Variants in TRIM55 observed in about 807,000 individuals in gnomAD.
TRIM55 encodes the protein tripartite motif-containing protein 55.
In TRIM55, 50 loss-of-function variants were observed where a neutral mutation model predicts 60.9. The observed-to-expected ratio is 0.82, with a 90% CI of 0.65 to 1.04. The LOEUF is 1.04. Ranked by LOEUF, TRIM55 falls within the 50% of genes least tolerant of loss-of-function variation. The pLI, the probability that TRIM55 is intolerant of heterozygous loss-of-function variation, is 0.00. For synonymous variants in TRIM55, 237 were observed against 238.1 expected (o/e 1.00, Z 0.04); for missense variants, 681 against 666.9 (o/e 1.02, Z -0.23).
intron 9 of TRIM55, chr8:66,155,809 T>C: frequency 3.6e-6 from 3 of 824,216 alleles, no homozygotes; most frequent in Non-Finnish European, 5.8e-6. Flanking sequence ...CCCCAAATCT[T>C]GAGGCTCAGT....
Position 66,160,562 on chromosome 8 carries a change from T to C in TRIM55, c.1524+6228T>C, listed in dbSNP as rs192877721. On this transcript the variant is annotated intron_variant, in intron 9 of 9. Coordinates refer to ENST00000315962, the MANE Select transcript of TRIM55 (RefSeq NM_184085.2). Reference sequence around the variant, plus strand: ...CCAGTAGTGGTATTGCTGGATCAAATGGTAGATCTACTTTTAGTTCTTTAA... The same window carrying C: ...CCAGTAGTGGTATTGCTGGATCAAACGGTAGATCTACTTTTAGTTCTTTAA... 3.2e-4 allele frequency among the ~76,000 whole-genome samples: 48 copies of C among 152,328 alleles called. 1 individual carries two copies. Among genetic ancestry groups the C allele is most frequent in the African/African-American group, 1.1e-3 (46 of 41,582 alleles).
chr8:66,132,312 G>A (rs1809207329), intron 2 of TRIM55, among the ~76,000 whole-genome samples: 1 of 152,182 alleles, frequency 6.6e-6, no homozygotes, highest in Admixed American at 6.5e-5. Context: ...AATTAGCCAG[G>A]TGTGGTGGCA....
chr8:66,145,036 T>C (rs1388750835), intron 4 of TRIM55, among the ~76,000 whole-genome samples: 1 of 152,180 alleles, frequency 6.6e-6, no homozygotes, highest in Non-Finnish European at 1.5e-5. Flanking sequence ...GAACATTTTT[T>C]TTTCATGGCA....
At chr8:66,116,299 A>C in the TRIM55 span, among the ~76,000 whole-genome samples, 1 of 152,162 alleles carries the variant, frequency 6.6e-6, no homozygotes, top group Non-Finnish European at 1.5e-5. Flanking sequence ...AACAAGCATA[A>C]GTTATTTATA....
At chr8:66,130,566 G>C (rs887222187) in intron 2 of TRIM55, among the ~76,000 whole-genome samples, 4 of 151,432 alleles carry the variant, frequency 2.6e-5, no homozygotes, top group Admixed American at 6.6e-5. Context: ...GGGGGTCGGG[G>C]GGGGTGACCA....
chr8:66,128,397 G>T lies in TRIM55; in HGVS notation c.262G>T (p.Asp88Tyr). The change falls in exon 2 of 10, where the codon GAT becomes TAT. Residue 88 changes from aspartate to tyrosine, a missense_variant. Asp to Tyr is a radical substitution (Grantham distance 160). Transcript: ENST00000315962. ...ATCCTGTAGACATGAAGTGGTTTTG[G>T]ATAGACATGGGGTATATGGACTTCA... is the stretch of plus-strand genomic sequence containing the variant. ...CPSCRHEVVL[D>Y]RHGVYGLQRN... is the part of the protein sequence containing the mutation. 3 of 1,613,850 alleles carry T rather than the reference G, an allele frequency of 1.9e-6. No individual in the cohort carries two copies. Among genetic ancestry groups the T allele is most frequent in the Non-Finnish European group, 2.5e-6 (3 of 1,179,888 alleles).
At chr8:66,146,351 A>G (rs570921743) in intron 4 of TRIM55, among the ~76,000 whole-genome samples, 1 of 152,342 alleles carries the variant, frequency 6.6e-6, no homozygotes, top group African/African-American at 2.4e-5. Context: ...GAAATTAGTT[A>G]TTCCATTTAA....
intron 9 of TRIM55, among the ~76,000 whole-genome samples, chr8:66,158,166 C>G (rs1040190840): frequency 1.5e-5 from 2 of 131,182 alleles, no homozygotes; most frequent in African/African-American, 5.5e-5. Context: ...CACACACACA[C>G]ACACACACAC....
At chr8:66,127,712 A>G (rs1417277224) in intron 1 of TRIM55, among the ~76,000 whole-genome samples, 1 of 151,748 alleles carries the variant, frequency 6.6e-6, no homozygotes, top group Non-Finnish European at 1.5e-5. Context: ...GCGGGCACCT[A>G]TAATCTCAGG....
the TRIM55 span, among the ~76,000 whole-genome samples, chr8:66,120,409 C>T: frequency 9.2e-5 from 14 of 152,026 alleles, no homozygotes; most frequent in East Asian, 1.9e-4. Flanking sequence ...TAACTATGGA[C>T]GGGGAAGGGG....
At chr8:66,137,964 A>C (rs552067086) in intron 4 of TRIM55, among the ~76,000 whole-genome samples, 2 of 152,340 alleles carry the variant, frequency 1.3e-5, no homozygotes, top group Admixed American at 1.3e-4. Flanking sequence ...GGAATTGAAA[A>C]TTCACTGACT....
chr8:66,147,840 A>G (rs1563376658), intron 4 of TRIM55, among the ~76,000 whole-genome samples: 1 of 151,636 alleles, frequency 6.6e-6, no homozygotes, highest in Non-Finnish European at 1.5e-5. Flanking sequence ...TTCAACAGAT[A>G]TTTAGTGAAC....
At position 66,174,624 on chromosome 8, in the gene TRIM55, C is replaced by A; in HGVS notation, c.*31C>A. 6.4e-7 allele frequency: 1 copy of A among 1,563,134 alleles called. No individual in the cohort carries two copies. The highest frequency in any genetic ancestry group is 8.6e-7 in the Non-Finnish European group (1 of 1,157,214). On this transcript the variant is annotated 3_prime_UTR_variant, in exon 10 of 10. Coordinates refer to ENST00000315962, the MANE Select transcript of TRIM55 (RefSeq NM_184085.2). ...ATTCCAACTGCTGCCCCTCTGTCTG[C>A]CTGGCTGAGATGCATGTGGGCAGCA...
rs1810591777 is a variant in TRIM55, at chr8:66,154,048, G to A, written c.1238G>A (p.Gly413Glu). 3.1e-6 allele frequency: 5 copies of A among 1,611,146 alleles called. No individual in the cohort carries two copies. The highest frequency in any genetic ancestry group is 4.2e-6 in the Non-Finnish European group (5 of 1,178,488). The change falls in exon 9 of 10, where the codon GGG becomes GAG. Residue 413 changes from glycine to glutamate, a missense_variant and splice_region_variant. Gly to Glu is a moderately conservative substitution (Grantham distance 98, BLOSUM62 -2). Transcript: ENST00000315962. ...PPAADAPVTQ[G>E]EVVPTGSEQT... ...TTGAATTTATCTGTCCTGATTAAGG[G>A]GGAGGTTGTACCCACTGGCTCTGAG...
Position 66,166,814 on chromosome 8 carries a change from G to A in TRIM55, c.1525-7657G>A, listed in dbSNP as rs532471091. On this transcript the variant is annotated intron_variant, in intron 9 of 9. Transcript: ENST00000315962. Reference sequence around the variant, plus strand: ...CACCAAGTGGGGCATGCAGTGTAATGGAAGCCAAGTAGCATCTAAGAAAAG... The same window carrying A: ...CACCAAGTGGGGCATGCAGTGTAATAGAAGCCAAGTAGCATCTAAGAAAAG... 2.6e-5 allele frequency among the ~76,000 whole-genome samples: 4 copies of A among 152,268 alleles called. No individual in the cohort carries two copies. In the South Asian group the frequency reaches 6.2e-4, roughly 24 times the overall value.
rs540723162 is a variant in TRIM55, at chr8:66,136,674, G to A, written c.508-421G>A. On this transcript the variant is annotated intron_variant, in intron 3 of 9. Transcript: ENST00000315962. ...CTTAGTCTAATGTGTGAGTGTTTGT[G>A]TCTGTATACACTATATTCTTATGCC... Among the ~76,000 whole-genome samples the A allele has an allele frequency of 5.3e-4, 80 of 152,318 alleles. 1 individual carries two copies. In the South Asian group the frequency reaches 0.015, roughly 29 times the overall value.
chr8:66,117,162 A>G, the TRIM55 span, among the ~76,000 whole-genome samples: 1 of 152,266 alleles, frequency 6.6e-6, no homozygotes, highest in African/African-American at 2.4e-5. Context: ...GATGAAGGAC[A>G]TAAGTGAAAC....
intron 2 of TRIM55, among the ~76,000 whole-genome samples, chr8:66,129,811 C>T (rs1205817059): frequency 6.6e-6 from 1 of 152,180 alleles, no homozygotes; most frequent in Non-Finnish European, 1.5e-5. Flanking sequence ...GCCAAAACAG[C>T]AATTACTTTG....
intron 4 of TRIM55, 40 bp from the exon 5 acceptor site, chr8:66,149,604 TG>T (rs1810291929): frequency 6.7e-7 from 1 of 1,490,160 alleles, no homozygotes. Flanking sequence ...AAATCGACTT[TG>T]TTTCAAATAC....
Sources: allele counts gnomAD v4.1 joint callset (sites outside exome capture counted in the v4.1 genomes callset), GRCh38; gene constraint gnomAD v4.1.1; transcripts MANE v1.5; gene names NCBI Gene and HGNC (gene_info 2026-07-23, HGNC 2026-07-21).